KREMEN2: variants seen among roughly 807,000 people sequenced by gnomAD.
The protein encoded by KREMEN2 is kringle containing transmembrane protein 2, also known as kremen protein 2.
Under a neutral mutation model 49.8 loss-of-function variants are expected in KREMEN2, and 43 were observed. That is an observed-to-expected ratio of 0.86 (90% CI 0.68 to 1.11). The LOEUF (loss-of-function observed/expected upper bound fraction) is 1.11, where lower values mean the gene tolerates loss of function less well. Among genes scored for constraint, KREMEN2 ranks in the 50% most tolerant of loss-of-function variants. The pLI, the probability that KREMEN2 is intolerant of heterozygous loss-of-function variation, is 0.00. For synonymous variants in KREMEN2, 355 were observed against 304.9 expected, an observed-to-expected ratio of 1.16 and a Z score of -1.71; for missense variants, 686 against 665.7, an observed-to-expected ratio of 1.03 and a Z score of -0.34.
chr16:2,967,212 C>A lies in KREMEN2; in HGVS notation c.943C>A (p.His315Asn). ...LLTFRSDARGHAQGFALTYRG... is the reference protein window; with the variant it reads ...LLTFRSDARGNAQGFALTYRG... The stretch of plus-strand genomic sequence containing the variant: ...CACCTTCCGAAGCGACGCGCGCGGC[C>A]ACGCGCAAGGCTTCGCGCTCACCTA... The change falls in exon 6 of 9, where the codon CAC becomes AAC. Residue 315 changes from histidine (H) to asparagine (N), a missense_variant. His to Asn is a moderately conservative substitution (Grantham distance 68). Transcript: ENST00000303746. The A allele has an allele frequency of 7.4e-7, 1 of 1,354,514 alleles. No individual in the cohort carries two copies. Among genetic ancestry groups the A allele is most frequent in the East Asian group, 3.1e-5 (1 of 32,316 alleles). The allele number at this position is 1,354,514 out of a possible 1,614,324, so 83.9% of individuals were successfully genotyped here.
rs1003687218 is a variant in KREMEN2, at chr16:2,967,592, C to T, written c.1166C>T (p.Pro389Leu). Residue 389 changes from proline (P) to leucine (L), a missense_variant, in exon 8 of 9, where the codon CCG becomes CTG. Physicochemically the swap from Pro to Leu is moderately conservative, Grantham distance 98. Coordinates refer to ENST00000303746, the MANE Select transcript of KREMEN2 (RefSeq NM_172229.3). ...CTGCTGCTCCTGGGGCTGCTGCGTC[C>T]GCTGCGCCGACGGTGCGGGGCGCTG... ...LLLLLLGLLR[P>L]LRRRSCLLAP... 2.6e-6 allele frequency: 4 copies of T among 1,526,894 alleles called. No individual in the cohort carries two copies. The highest frequency in any genetic ancestry group is 2.8e-5 in the African/African-American group (2 of 72,576). 94.6% of individuals were successfully genotyped at this position (1,526,894 alleles called of 1,614,324 possible). A position where few individuals can be genotyped will look rare whatever the true frequency, so the allele number is the denominator to read the frequency against.
chr16:2,966,331 G>C lies in KREMEN2; in HGVS notation c.368G>C (p.Gly123Ala), dbSNP rs762977779. The C allele has an allele frequency of 4.5e-5, 72 of 1,612,242 alleles. No individual in the cohort carries two copies. The highest frequency in any genetic ancestry group is 5.8e-5 in the Non-Finnish European group (69 of 1,179,988). ...YCDIPSCHMP[G>A]YLGCFVDSGA... ...TCTGACTCTGCCCCCTCAGTGCCAG[G>C]CTACCTGGGATGCTTTGTGGACTCA... The change falls in exon 4 of 9, where the codon GGC (glycine) becomes GCC (alanine). Residue 123 changes from glycine to alanine, a missense_variant. Gly to Ala is a moderately conservative substitution (Grantham distance 60). Transcript: ENST00000303746. This position sits in a 1 kb window ranked among gnomAD's most constrained non-coding sequence, Gnocchi z 8.4.
rs1567371597 is a variant in KREMEN2 at position 2,966,105 on chromosome 16, T to TTTGCCACCC, written c.270-35_270-34insTTGCCACCC. ...GGGCCTGGGTTTGCTATTCTTGGGG[T>TTTGCCACCC]GGTGGGAGCCCCACCACCTCCCTCC... On this transcript the variant is annotated intron_variant, in intron 2 of 8. Coordinates refer to ENST00000303746, the MANE Select transcript of KREMEN2 (RefSeq NM_172229.3). This position sits in a 1 kb window ranked among gnomAD's most constrained non-coding sequence, Gnocchi z 8.4. The TTTGCCACCC allele has an allele frequency of 6.3e-7, 1 of 1,581,272 alleles. No individual in the cohort carries two copies. The highest frequency in any genetic ancestry group is 2.2e-5 in the East Asian group (1 of 44,710).
At chr16:2,965,152 T>G in intron 2 of KREMEN2, 119 bp downstream of exon 2, 1 of 168,632 alleles carries the variant, frequency 5.9e-6, no homozygotes, top group Non-Finnish European at 8.3e-6. Context: ...CCCAGCCTCC[T>G]GGAGAACCTG....
In KREMEN2 at chr16:2,967,182, C is replaced by T; in HGVS notation, c.913C>T (p.Leu305=). ...GCTGCGCCTGGGCACTGCCGCGCTG[C>T]TGCTCACCTTCCGAAGCGACGCGCG... is the stretch of plus-strand genomic sequence containing the variant. ...GPLRLGTAAL[L]LTFRSDARGH... is the part of the protein sequence containing the mutation. The change falls in exon 6 of 9, where the codon CTG becomes TTG. Residue 305 remains leucine (L), a synonymous_variant. Coordinates refer to ENST00000303746, the MANE Select transcript of KREMEN2 (RefSeq NM_172229.3). The T allele has an allele frequency of 7.3e-7, 1 of 1,370,172 alleles. No individual in the cohort carries two copies. Among genetic ancestry groups the T allele is most frequent in the Non-Finnish European group, 9.3e-7 (1 of 1,071,414 alleles). The allele number at this position is 1,370,172 out of a possible 1,614,324, so 84.9% of individuals were successfully genotyped here.
chr16:2,967,743 A>G, intron 8 of KREMEN2, 67 bp from the exon 9 acceptor site: 1 of 1,545,192 alleles, frequency 6.5e-7, no homozygotes, highest in East Asian at 2.4e-5. Context: ...CGCGCGCGGG[A>G]TCGCAGGTAG....
At position 2,964,410 on chromosome 16, in the gene KREMEN2, G is replaced by GCA. The variant is rs1411549837; in HGVS notation, c.-111_-110insCA. On this transcript the variant is annotated 5_prime_UTR_variant, in exon 1 of 9. Coordinates refer to ENST00000303746, the MANE Select transcript of KREMEN2 (RefSeq NM_172229.3). ...AAGCGCGGCTCAGAGTCGGACGAGG[G>GCA]GAGACTGTCAGAGGACAACGCCCCC... The GCA allele has an allele frequency of 1.5e-5, 11 of 727,760 alleles. No individual in the cohort carries two copies. The African/African-American group carries it at 2.0e-4, about 13-fold the overall frequency. The allele number at this position is 727,760 out of a possible 1,614,324, so 45.1% of individuals were successfully genotyped here.
rs547172813 is a variant in KREMEN2, at chr16:2,967,785, C to G, written c.1179-25C>G. On this transcript the variant is annotated intron_variant, in intron 8 of 8. Transcript: ENST00000303746. ...ACGCTGCAGCGGGATTGGACCGGCTCGGCTGATGTCTGCTCCCTCTCTAGG... is the reference window on the plus strand; with the variant it reads ...ACGCTGCAGCGGGATTGGACCGGCTGGGCTGATGTCTGCTCCCTCTCTAGG... The G allele has an allele frequency of 7.6e-5, 117 of 1,548,076 alleles. 3 individuals are homozygous for G. The Admixed American group carries it at 2.2e-3, about 30-fold the overall frequency.
At position 2,968,154 on chromosome 16, in the gene KREMEN2, C is replaced by G; in HGVS notation, c.*134C>G. 1 of 1,038,024 alleles carries G rather than the reference C, an allele frequency of 9.6e-7. No individual in the cohort carries two copies. 64.3% of individuals were successfully genotyped at this position (1,038,024 alleles called of 1,614,324 possible). ...TGGTCGCCTTGGGGAGACCAAAAGTCGGACAGGAAACATCTGGTGCTATTA... is the reference window on the plus strand; with the variant it reads ...TGGTCGCCTTGGGGAGACCAAAAGTGGGACAGGAAACATCTGGTGCTATTA... On this transcript the variant is annotated 3_prime_UTR_variant, in exon 9 of 9. Transcript: ENST00000303746.
In KREMEN2 at chr16:2,968,295, G is replaced by T; in HGVS notation, c.*275G>T. On this transcript the variant is annotated 3_prime_UTR_variant, in exon 9 of 9. Transcript: ENST00000303746. ...TTGAACCCCTCTGGGGGTGGTCCTG[G>T]ACTGCCGTCCTCAGTGAGAGGTCAC... is the stretch of plus-strand genomic sequence containing the variant. The T allele has an allele frequency of 7.0e-7, 1 of 1,434,200 alleles. No homozygotes were observed. Among genetic ancestry groups the T allele is most frequent in the Non-Finnish European group, 9.5e-7 (1 of 1,055,114 alleles). The allele number at this position is 1,434,200 out of a possible 1,614,324, so 88.8% of individuals were successfully genotyped here.
In KREMEN2 at chr16:2,968,001, C is replaced by G. The variant is rs1270507864; in HGVS notation, c.1370C>G (p.Ser457Trp). 2 of 1,562,870 alleles carry G rather than the reference C, an allele frequency of 1.3e-6. No homozygotes were observed. Among genetic ancestry groups the G allele is most frequent in the Non-Finnish European group, 1.7e-6 (2 of 1,160,708 alleles). Residue 457 changes from serine to tryptophan, a missense_variant, in exon 9 of 9, where the codon TCG becomes TGG. Physicochemically the swap from Ser to Trp is radical, Grantham distance 177 (BLOSUM62 -3). Transcript: ENST00000303746. ...GCCTCCAGCCAGAGCTCCCTGCGCT[C>G]GCTCATCTCCGCTCTCTGACTCTGG... ...LSASSQSSLR[S>W]LISAL
rs777189456 is a variant in KREMEN2, at chr16:2,966,770, C to A, written c.615C>A (p.Gly205=). The change falls in exon 5 of 9, where the codon GGC becomes GGA. Residue 205 remains glycine (G), a synonymous_variant. Transcript: ENST00000303746. The surrounding 1 kb of genome is among the most constrained non-coding windows in gnomAD (Gnocchi z 8.4). ...GCCACCCTGGACAGCTGTGTGGCGG[C>A]GATGGGCGGCTGGGCGTCTATGAAG... is the stretch of plus-strand genomic sequence containing the variant. The part of the protein sequence containing the change: ...CFGHPGQLCG[G]DGRLGVYEVS... The A allele has an allele frequency of 6.2e-7, 1 of 1,611,284 alleles. No homozygotes were observed. Among genetic ancestry groups the A allele is most frequent in the African/African-American group, 1.3e-5 (1 of 75,038 alleles).
At position 2,964,451 on chromosome 16, in the gene KREMEN2, A is replaced by AC. The variant is rs1419702833; in HGVS notation, c.-66dup. The AC allele has an allele frequency of 3.6e-6, 4 of 1,111,318 alleles. No individual in the cohort carries two copies. Among genetic ancestry groups the AC allele is most frequent in the Non-Finnish European group, 5.1e-6 (4 of 778,610 alleles). 68.8% of individuals were successfully genotyped at this position (1,111,318 alleles called of 1,614,324 possible). A position where few individuals can be genotyped will look rare whatever the true frequency, so the allele number is the denominator to read the frequency against. ...CAACGCCCCCTAGGTCTCCTGGGAG[A>AC]CCCCGAAGCGACCCCGGGGGCAGCC... On this transcript the variant is annotated 5_prime_UTR_variant, in exon 1 of 9. Coordinates refer to ENST00000303746, the MANE Select transcript of KREMEN2 (RefSeq NM_172229.3).
chr16:2,965,002 C>A lies in KREMEN2; in HGVS notation c.238C>A (p.Arg80Ser), dbSNP rs1315081090. ...CAGCAGCGCCAGCGACCCCCACGGCCGCTGGGGGCTGGGCGCGCACAACTT... is the reference window on the plus strand; with the variant it reads ...CAGCAGCGCCAGCGACCCCCACGGCAGCTGGGGGCTGGGCGCGCACAACTT... ...SYSSASDPHG[R>S]WGLGAHNFCR... The change falls in exon 2 of 9, where the codon CGC (arginine) becomes AGC (serine). Residue 80 changes from arginine (R) to serine (S), a missense_variant. Coordinates refer to ENST00000303746, the MANE Select transcript of KREMEN2 (RefSeq NM_172229.3). 4 of 1,560,132 alleles carry A rather than the reference C, an allele frequency of 2.6e-6. No homozygotes were observed. The South Asian group carries it at 4.7e-5, about 18-fold the overall frequency.
In KREMEN2 at chr16:2,966,018, G is replaced by A. The variant is rs568746489; in HGVS notation, c.270-122G>A. 2.7e-4 allele frequency: 213 copies of A among 800,592 alleles called. No homozygotes were observed. In the Middle Eastern group the frequency reaches 4.4e-3, roughly 17 times the overall value. The allele number at this position is 800,592 out of a possible 1,614,324, so 49.6% of individuals were successfully genotyped here. On this transcript the variant is annotated intron_variant, in intron 2 of 8. Transcript: ENST00000303746. This position sits in a 1 kb window ranked among gnomAD's most constrained non-coding sequence, Gnocchi z 8.4. ...ACTGGAATTTGTGGGTGTACAGCAG[G>A]CAGCACAGCCGCTCACAGGCACAGA...
At position 2,966,776 on chromosome 16, in the gene KREMEN2, G is replaced by A. The variant is rs748479994; in HGVS notation, c.621G>A (p.Gly207=). The part of the protein sequence containing the change: ...GHPGQLCGGD[G]RLGVYEVSVG... ...CTGGACAGCTGTGTGGCGGCGATGG[G>A]CGGCTGGGCGTCTATGAAGGTGAGG... Residue 207 remains glycine, a synonymous_variant, in exon 5 of 9, where the codon GGG becomes GGA. Coordinates refer to ENST00000303746, the MANE Select transcript of KREMEN2 (RefSeq NM_172229.3). This position sits in a 1 kb window ranked among gnomAD's most constrained non-coding sequence, Gnocchi z 8.4. The A allele has an allele frequency of 1.2e-6, 2 of 1,611,458 alleles. No individual in the cohort carries two copies. Among genetic ancestry groups the A allele is most frequent in the South Asian group, 2.2e-5 (2 of 91,016 alleles).
rs1215540759 is a variant in KREMEN2, at chr16:2,967,954, C to T, written c.1323C>T (p.Ala441=). 6.3e-7 allele frequency: 1 copy of T among 1,585,494 alleles called. No individual in the cohort carries two copies. Reference sequence around the variant, plus strand: ...GGGACCCCCAGGCTGAGGGTTCTGCCGCGGGCTACCGGCCTCTGAGTGCCT... The same window carrying T: ...GGGACCCCCAGGCTGAGGGTTCTGCTGCGGGCTACCGGCCTCTGAGTGCCT... ...SPGDPQAEGS[A]AGYRPLSASS... is the part of the protein sequence containing the mutation. Residue 441 remains alanine (A), a synonymous_variant, in exon 9 of 9, where the codon GCC becomes GCT. Transcript: ENST00000303746.
Position 2,967,224 on chromosome 16 carries a change from T to A in KREMEN2, c.955T>A (p.Phe319Ile). ...RSDARGHAQG[F>I]ALTYRGLQDA... Reference sequence around the variant, plus strand: ...CGACGCGCGCGGCCACGCGCAAGGCTTCGCGCTCACCTACCGCGGTGAGCC... The same window carrying A: ...CGACGCGCGCGGCCACGCGCAAGGCATCGCGCTCACCTACCGCGGTGAGCC... The change falls in exon 6 of 9, where the codon TTC (phenylalanine) becomes ATC (isoleucine). Residue 319 changes from phenylalanine to isoleucine, a missense_variant. Physicochemically the swap from Phe to Ile is conservative, Grantham distance 21. Coordinates refer to ENST00000303746, the MANE Select transcript of KREMEN2 (RefSeq NM_172229.3). 2 of 1,355,500 alleles carry A rather than the reference T, an allele frequency of 1.5e-6. No homozygotes were observed. Among genetic ancestry groups the A allele is most frequent in the Non-Finnish European group, 9.4e-7 (1 of 1,063,100 alleles). 84.0% of individuals were successfully genotyped at this position (1,355,500 alleles called of 1,614,324 possible).
At position 2,966,461 on chromosome 16, in the gene KREMEN2, G is replaced by C. The variant is rs1195481857; in HGVS notation, c.486+12G>C. Reference sequence around the variant, plus strand: ...TGAAGGGGTACCAGGTACTGCTCACGGGCCCAGACCAGTGACCCCTGACCT... The same window carrying C: ...TGAAGGGGTACCAGGTACTGCTCACCGGCCCAGACCAGTGACCCCTGACCT... On this transcript the variant is annotated intron_variant, in intron 4 of 8. Transcript: ENST00000303746. The surrounding 1 kb of genome is among the most constrained non-coding windows in gnomAD (Gnocchi z 8.4). 8 of 1,609,160 alleles carry C rather than the reference G, an allele frequency of 5.0e-6. No homozygotes were observed. Among genetic ancestry groups the C allele is most frequent in the Non-Finnish European group, 5.1e-6 (6 of 1,179,612 alleles).
Sources: allele counts gnomAD v4.1 joint callset, GRCh38; gene constraint gnomAD v4.1.1; non-coding constraint Gnocchi (gnomAD v3.1); transcripts MANE v1.5; gene names NCBI Gene and HGNC (gene_info 2026-07-23, HGNC 2026-07-21).